IL7: variants seen among roughly 807,000 people sequenced by gnomAD.
The protein encoded by IL7 is interleukin-7.
In IL7, 3 loss-of-function variants were observed where a neutral mutation model predicts 21.6. That is an observed-to-expected ratio of 0.14 (90% CI 0.06 to 0.36). The LOEUF is 0.36. IL7 is among the 10% of genes least tolerant of loss of function. IL7 has a pLI of 1.00. For missense variants in IL7, 175 were observed against 200.2 expected (o/e 0.87, Z 0.76); for synonymous variants, 62 against 68.1 (o/e 0.91, Z 0.44).
At chr8:78,742,922 T>C (rs1811843554) in intron 2 of IL7, among the ~76,000 whole-genome samples, 1 of 152,166 alleles carries the variant, frequency 6.6e-6, no homozygotes, top group Admixed American at 6.6e-5. Flanking sequence ...ATTGTTCCCC[T>C]GTATGTGTCC....
intron 3 of IL7, chr8:78,698,567 G>GT: frequency 5.6e-6 from 7 of 1,242,994 alleles, no homozygotes; most frequent in East Asian, 2.6e-5. Context: ...CGATACTAAG[G>GT]TTTTGTTATG....
intron 2 of IL7, among the ~76,000 whole-genome samples, chr8:78,764,825 A>G (rs1367303990): frequency 2.6e-5 from 4 of 152,116 alleles, no homozygotes; most frequent in African/African-American, 4.8e-5. Context: ...AAATTGACAA[A>G]TTGGTTCTAA....
chr8:78,747,207 T>TTTG, intron 2 of IL7: 1 of 378,416 alleles, frequency 2.6e-6, no homozygotes, highest in Non-Finnish European at 5.1e-6. Context: ...TTTTTTTTTT[T>TTTG]TTGAGATGGG....
chr8:78,762,010 G>C, intron 2 of IL7: 1 of 1,602,740 alleles, frequency 6.2e-7, no homozygotes. Context: ...CTTCGCTGGG[G>C]TTCTGAGCAT....
At chr8:78,787,485 T>C (rs572909814) in intron 2 of IL7, among the ~76,000 whole-genome samples, 62 of 152,296 alleles carry the variant, frequency 4.1e-4, no homozygotes, top group Non-Finnish European at 6.2e-4. Context: ...AACTGTTTTT[T>C]TTCCCACAGA....
At chr8:78,682,277 G>A (rs537359368) in intron 4 of IL7, among the ~76,000 whole-genome samples, 1 of 152,196 alleles carries the variant, frequency 6.6e-6, no homozygotes, top group African/African-American at 2.4e-5. Context: ...AGTTAGATAA[G>A]AAGAAGAAAT....
intron 3 of IL7, among the ~76,000 whole-genome samples, chr8:78,697,878 C>G (rs886992706): frequency 1.3e-5 from 2 of 151,924 alleles, no homozygotes; most frequent in Non-Finnish European, 2.9e-5. Context: ...TGGGGTTTCA[C>G]CAAGTTAGCC....
intron 2 of IL7, among the ~76,000 whole-genome samples, chr8:78,766,247 T>C (rs1024347134): frequency 6.6e-6 from 1 of 152,090 alleles, no homozygotes. Flanking sequence ...TATTCTGTAA[T>C]ATAATTTGGA....
intron 2 of IL7, among the ~76,000 whole-genome samples, chr8:78,742,598 C>T (rs935283376): frequency 1.3e-5 from 2 of 152,148 alleles, no homozygotes; most frequent in African/African-American, 2.4e-5. Flanking sequence ...CACTTAATTA[C>T]ATACAAATTC....
intron 2 of IL7, among the ~76,000 whole-genome samples, chr8:78,752,759 G>A (rs1022218084): frequency 5.3e-5 from 8 of 151,796 alleles, no homozygotes; most frequent in African/African-American, 1.7e-4. Context: ...CCCACCCTGC[G>A]ACAGGCCCCA....
chr8:78,697,838 C>G (rs2130545222), intron 3 of IL7, among the ~76,000 whole-genome samples: 1 of 151,918 alleles, frequency 6.6e-6, no homozygotes, highest in African/African-American at 2.4e-5. Context: ...GCCACCATGC[C>G]CACCTAATTT....
At position 78,738,403 on chromosome 8, in the gene IL7, C is replaced by T. The variant is rs1434857768; in HGVS notation, c.360+101G>A. ...CTTCAACTTTAGATGATAATAAACA[C>T]TTAGGATTCTATGATAATGGATGTG... On this transcript the variant is annotated intron_variant, in intron 4 of 5. Coordinates refer to ENST00000263851, the MANE Select transcript of IL7 (RefSeq NM_000880.4). 4 of 1,013,334 alleles carry T rather than the reference C, an allele frequency of 3.9e-6. No homozygotes were observed. The South Asian group carries it at 5.6e-5, about 14-fold the overall frequency. The allele number at this position is 1,013,334 out of a possible 1,614,324, so 62.8% of individuals were successfully genotyped here. A position where few individuals can be genotyped will look rare whatever the true frequency, so the allele number is the denominator to read the frequency against.
At chr8:78,739,239 AG>A (rs1335792630) in intron 3 of IL7, among the ~76,000 whole-genome samples, 1 of 152,202 alleles carries the variant, frequency 6.6e-6, no homozygotes, top group African/African-American at 2.4e-5. Context: ...TAAACTTTTT[AG>A]GTTTTTTAAA....
intron 3 of IL7, among the ~76,000 whole-genome samples, chr8:78,698,950 A>G (rs1391199294): frequency 6.6e-6 from 1 of 152,180 alleles, no homozygotes; most frequent in Non-Finnish European, 1.5e-5. Context: ...AGTTAGACGC[A>G]ATATATAAAT....
downstream of IL7, among the ~76,000 whole-genome samples, chr8:78,730,585 A>G (rs1303642224): frequency 6.6e-6 from 1 of 151,952 alleles, no homozygotes; most frequent in East Asian, 1.9e-4. Context: ...TTCTGGTGCT[A>G]TCATACCCAT....
At position 78,752,767 on chromosome 8, in the gene IL7, C is replaced by T. The variant is rs191056128; in HGVS notation, c.148-12685G>A. On this transcript the variant is annotated intron_variant, in intron 2 of 5. Coordinates refer to ENST00000263851, the MANE Select transcript of IL7 (RefSeq NM_000880.4). ...CTTGTCCCCCACCCTGCGACAGGCCCCAATGTGTGATGTTCCCCTCCCTGT... is the reference window on the plus strand; with the variant it reads ...CTTGTCCCCCACCCTGCGACAGGCCTCAATGTGTGATGTTCCCCTCCCTGT... Among the ~76,000 whole-genome samples the T allele has an allele frequency of 1.6e-4, 25 of 152,194 alleles. No individual in the cohort carries two copies. In the East Asian group the frequency reaches 4.1e-3, roughly 25 times the overall value.
rs978712725 is a variant in IL7 at position 78,703,616 on chromosome 8, GT to G, written n.215-17670del. 2.0e-4 allele frequency among the ~76,000 whole-genome samples: 28 copies of G among 139,786 alleles called. No individual in the cohort carries two copies. The Admixed American group carries it at 2.1e-3, about 10-fold the overall frequency. 91.7% of individuals were successfully genotyped at this position (139,786 alleles called of 152,430 possible). A position where few individuals can be genotyped will look rare whatever the true frequency, so the allele number is the denominator to read the frequency against. ...AGGAGTACAACCCCTGCTTTTTTCT[GT>G]TTTCCATTTGCTTGGTAAATTTTTC... is the stretch of plus-strand genomic sequence containing the variant. On this transcript the variant is annotated intron_variant and non_coding_transcript_variant, in intron 3 of 4. Coordinates refer to the IL7 transcript ENST00000523959.
At chr8:78,677,163 A>C (rs556977081) in intron 4 of IL7, among the ~76,000 whole-genome samples, 2 of 152,112 alleles carry the variant, frequency 1.3e-5, no homozygotes, top group South Asian at 4.1e-4. Context: ...TGACAGTTCT[A>C]CCTTCTTTAG....
intron 3 of IL7, among the ~76,000 whole-genome samples, chr8:78,700,843 A>G (rs1461590457): frequency 6.6e-6 from 1 of 152,034 alleles, no homozygotes; most frequent in Non-Finnish European, 1.5e-5. Flanking sequence ...TGGGCTTGCT[A>G]TTCTGTTCCA....
Sources: gnomAD v4.1 joint callset for allele counts (sites outside exome capture counted in the v4.1 genomes callset) on GRCh38, gnomAD v4.1.1 for gene constraint, MANE v1.5 for transcripts, NCBI Gene and HGNC (gene_info 2026-07-23, HGNC 2026-07-21) for gene names.